ADARB2: variants seen among roughly 807,000 people sequenced by gnomAD.
ADARB2 encodes the protein adenosine deaminase RNA specific B2 (inactive), also known as inactive double-stranded RNA-specific editase B2.
Under a neutral mutation model 62.2 loss-of-function variants are expected in ADARB2, and 25 were observed. That is an observed-to-expected ratio of 0.40 (90% CI 0.29 to 0.56). The LOEUF (loss-of-function observed/expected upper bound fraction) is 0.56. ADARB2 is among the 20% of genes least tolerant of loss of function. ADARB2 has a pLI of 0.43. For synonymous variants in ADARB2, 572 were observed against 500.8 expected, an observed-to-expected ratio of 1.14 and a Z score of -1.90; for missense variants, 1,071 against 1,077.4, an observed-to-expected ratio of 0.99 and a Z score of 0.08.
intron 1 of ADARB2, among the ~76,000 whole-genome samples, chr10:1,442,028 TA>T (rs1830911684): frequency 6.6e-6 from 1 of 152,236 alleles, no homozygotes; most frequent in Non-Finnish European, 1.5e-5. Context: ...CAATGCATGA[TA>T]AAACATCCTT....
intron 1 of ADARB2, among the ~76,000 whole-genome samples, chr10:1,446,401 T>C (rs771367131): frequency 2.6e-4 from 39 of 152,262 alleles, no homozygotes; most frequent in Non-Finnish European, 5.0e-4. Flanking sequence ...CTATGTTACA[T>C]GCACCTGTTT....
chr10:1,363,851 G>A lies in ADARB2; in HGVS notation c.254C>T (p.Ser85Phe). 1 of 1,532,480 alleles carries A rather than the reference G, an allele frequency of 6.5e-7. No homozygotes were observed. The highest frequency in any genetic ancestry group is 8.7e-7 in the Non-Finnish European group (1 of 1,148,352). The allele number at this position is 1,532,480 out of a possible 1,614,324, so 94.9% of individuals were successfully genotyped here. ...CGCGCCGCCCCGGGCCCGGTCCCCGGAGGGCGGTGGCCGCGCGGCCAGGTT... is the reference window on the plus strand; with the variant it reads ...CGCGCCGCCCCGGGCCCGGTCCCCGAAGGGCGGTGGCCGCGCGGCCAGGTT... Reference protein sequence around the residue: ...VGNLAARPPPSGDRARGGAPG... With the variant: ...VGNLAARPPPFGDRARGGAPG... Residue 85 changes from serine to phenylalanine, a missense_variant, in exon 3 of 10, where the codon TCC becomes TTC. Ser to Phe is a radical substitution (Grantham distance 155). Transcript: ENST00000381312.
At chr10:1,460,800 C>A (rs1220804744) in intron 1 of ADARB2, among the ~76,000 whole-genome samples, 1 of 115,248 alleles carries the variant, frequency 8.7e-6, no homozygotes, top group Admixed American at 8.3e-5. Context: ...GTGTAGCAAA[C>A]CTGTCTGTGA....
At chr10:1,349,446 G>C (rs983857860) in intron 3 of ADARB2, among the ~76,000 whole-genome samples, 8 of 152,108 alleles carry the variant, frequency 5.3e-5, no homozygotes, top group Non-Finnish European at 7.4e-5. Context: ...CTCAGATCAG[G>C]GGACCTCCCT....
intron 1 of ADARB2, among the ~76,000 whole-genome samples, chr10:1,661,601 G>A (rs1834249368): frequency 6.6e-6 from 1 of 152,156 alleles, no homozygotes; most frequent in South Asian, 2.1e-4. Flanking sequence ...TTTAGCCAGG[G>A]AAGCAGAGCC....
At chr10:1,378,117 GTCT>G (rs1178191543) in intron 2 of ADARB2, among the ~76,000 whole-genome samples, 1 of 152,160 alleles carries the variant, frequency 6.6e-6, no homozygotes, top group Non-Finnish European at 1.5e-5. Flanking sequence ...GGAATGTCTC[GTCT>G]TCTTTGTTAA....
intron 4 of ADARB2, among the ~76,000 whole-genome samples, chr10:1,262,251 C>G (rs1179051832): frequency 1.4e-5 from 2 of 145,442 alleles, no homozygotes; most frequent in Admixed American, 1.4e-4. Context: ...ATGTAACTAA[C>G]CTGCACAATG....
At chr10:1,727,537 CTAT>C (rs2119041872) in intron 1 of ADARB2, among the ~76,000 whole-genome samples, 1 of 152,208 alleles carries the variant, frequency 6.6e-6, no homozygotes, top group African/African-American at 2.4e-5. Context: ...AATTGAGTAG[CTAT>C]TATGTTTTGA....
At position 1,436,640 on chromosome 10, in the gene ADARB2, G is replaced by A. The variant is rs1182179392; in HGVS notation, c.101-57480C>T. On this transcript the variant is annotated intron_variant, in intron 1 of 9. Transcript: ENST00000381312. ...TTTAGGAAAGAGAACATTAAAAGAT[G>A]TTAATGCACACAGATACATCTCAAT... Among the ~76,000 whole-genome samples, 6 of 152,200 alleles carry A rather than the reference G, an allele frequency of 3.9e-5. No individual in the cohort carries two copies. In the East Asian group the frequency reaches 9.6e-4, roughly 24 times the overall value.
rs1178582423 is a variant in ADARB2 at position 1,240,278 on chromosome 10, G to GCCTCCCGGTGTTTACTCCCCTCTC, written c.1361+1829_1361+1852dup. ...TGCCTCCCGGTGTTTACTCCCCTCT[G>GCCTCCCGGTGTTTACTCCCCTCTC]CCTCCCGGTGTTTACTCCCCTCTCC... On this transcript the variant is annotated intron_variant, in intron 5 of 9. Coordinates refer to ENST00000381312, the MANE Select transcript of ADARB2 (RefSeq NM_018702.4). 2.2e-4 allele frequency: 7 copies of GCCTCCCGGTGTTTACTCCCCTCTC among 31,882 alleles called. 1 individual carries two copies. Among genetic ancestry groups the GCCTCCCGGTGTTTACTCCCCTCTC allele is most frequent in the East Asian group, 8.8e-4 (1 of 1,134 alleles). 2.0% of individuals were successfully genotyped at this position (31,882 alleles called of 1,614,324 possible).
At chr10:1,510,668 T>A (rs1419533502) in intron 1 of ADARB2, among the ~76,000 whole-genome samples, 1 of 152,202 alleles carries the variant, frequency 6.6e-6, no homozygotes, top group Admixed American at 6.5e-5. Context: ...AATGACACCT[T>A]AGAGTCCTTT....
intron 1 of ADARB2, among the ~76,000 whole-genome samples, chr10:1,533,667 G>A (rs17293893): frequency 0.2 from 30,433 of 152,120 alleles, 3,351 homozygotes; most frequent in Non-Finnish European, 0.25. Context: ...TGATTTCTGA[G>A]CATATTTCCT....
chr10:1,556,715 G>T (rs768146725), intron 1 of ADARB2: 1 of 534,486 alleles, frequency 1.9e-6, no homozygotes, highest in South Asian at 1.4e-5. Context: ...CATCCACCCT[G>T]CCTGCCCATG....
Position 1,476,869 on chromosome 10 carries a change from C to A in ADARB2, c.101-97709G>T, listed in dbSNP as rs144715261. On this transcript the variant is annotated intron_variant, in intron 1 of 9. Transcript: ENST00000381312. Reference sequence around the variant, plus strand: ...GTGGAGGGAACTCTAATTTCTGAACCCAGCCTGGGTGCCACAAGTGAGGGT... The same window carrying A: ...GTGGAGGGAACTCTAATTTCTGAACACAGCCTGGGTGCCACAAGTGAGGGT... Among the ~76,000 whole-genome samples the A allele has an allele frequency of 4.0e-4, 61 of 152,222 alleles. 1 individual carries two copies. In the East Asian group the frequency reaches 0.01, roughly 25 times the overall value.
intron 1 of ADARB2, among the ~76,000 whole-genome samples, chr10:1,523,440 A>C (rs1448635933): frequency 6.6e-6 from 1 of 152,170 alleles, no homozygotes; most frequent in Non-Finnish European, 1.5e-5. Context: ...AACCAAGAAC[A>C]AAGCCCCTAT....
At chr10:1,442,139 C>T (rs1220677330) in intron 1 of ADARB2, among the ~76,000 whole-genome samples, 1 of 152,176 alleles carries the variant, frequency 6.6e-6, no homozygotes, top group East Asian at 1.9e-4. Flanking sequence ...TGTGTAAGAT[C>T]TGGATTATTC....
chr10:1,194,524 C>A (rs1836882646), intron 8 of ADARB2, among the ~76,000 whole-genome samples: 1 of 83,322 alleles, frequency 1.2e-5, no homozygotes, highest in African/African-American at 4.0e-5. Flanking sequence ...ATCTATCTAT[C>A]TAATCTATCT....
chr10:1,647,949 C>A (rs1258690449), intron 1 of ADARB2, among the ~76,000 whole-genome samples: 2 of 151,948 alleles, frequency 1.3e-5, no homozygotes, highest in Non-Finnish European at 2.9e-5. Context: ...GAACTGGAGG[C>A]TCCAGTTTAT....
intron 1 of ADARB2, among the ~76,000 whole-genome samples, chr10:1,680,365 G>A (rs138023566): frequency 1.5e-3 from 225 of 152,014 alleles, no homozygotes; most frequent in African/African-American, 5.3e-3. Flanking sequence ...TCCCTCATCT[G>A]CTTCCATCTT....
Sources: allele counts gnomAD v4.1 joint callset (sites outside exome capture counted in the v4.1 genomes callset), GRCh38; gene constraint gnomAD v4.1.1; transcripts MANE v1.5; gene names NCBI Gene and HGNC (gene_info 2026-07-23, HGNC 2026-07-21).